Variants in INPP5A observed in about 807,000 individuals in gnomAD.
INPP5A encodes the protein 43 kDa inositol polyphosphate 5-phophatase.
Under a neutral mutation model 65.2 loss-of-function variants are expected in INPP5A, and 14 were observed. The ratio of observed to expected loss-of-function variants is 0.21; its 90% confidence interval spans 0.14 to 0.34. The LOEUF is 0.34. INPP5A is among the 10% of genes least tolerant of loss of function. INPP5A has a pLI of 1.00. For synonymous variants in INPP5A, 207 were observed against 208.3 expected (o/e 0.99, Z 0.05); for missense variants, 431 against 545.6 (o/e 0.79, Z 2.09).
intron 8 of INPP5A, among the ~76,000 whole-genome samples, chr10:132,715,383 T>A (rs1845722750): frequency 6.6e-6 from 1 of 152,270 alleles, no homozygotes; most frequent in African/African-American, 2.4e-5. Flanking sequence ...GAAGTTAATT[T>A]GATCAACATT....
Position 132,770,039 on chromosome 10 carries a change from C to T in INPP5A, c.977+4193C>T, listed in dbSNP as rs1470884326. 3.3e-5 allele frequency among the ~76,000 whole-genome samples: 5 copies of T among 152,288 alleles called. No homozygotes were observed. In the East Asian group the frequency reaches 9.7e-4, roughly 29 times the overall value. Reference sequence around the variant, plus strand: ...GGTGTGACAGCCCGACATTTCTAGGCGTTAGCATTTCTCACGAAACCCCAT... The same window carrying T: ...GGTGTGACAGCCCGACATTTCTAGGTGTTAGCATTTCTCACGAAACCCCAT... On this transcript the variant is annotated intron_variant, in intron 12 of 15. Coordinates refer to ENST00000368594, the MANE Select transcript of INPP5A (RefSeq NM_005539.5).
At position 132,549,854 on chromosome 10, in the gene INPP5A, G is replaced by A. The variant is rs918120090; in HGVS notation, c.75+11683G>A. On this transcript the variant is annotated intron_variant, in intron 1 of 15. Coordinates refer to ENST00000368594, the MANE Select transcript of INPP5A (RefSeq NM_005539.5). This position sits in a 1 kb window ranked among gnomAD's most constrained non-coding sequence, Gnocchi z 4.9. Reference sequence around the variant, plus strand: ...TCTGAGTCACTGTGCCTTAGAGTACGGAGTCAGCCTCAAATTATTAACCAG... The same window carrying A: ...TCTGAGTCACTGTGCCTTAGAGTACAGAGTCAGCCTCAAATTATTAACCAG... Among the ~76,000 whole-genome samples, 5 of 152,224 alleles carry A rather than the reference G, an allele frequency of 3.3e-5. No individual in the cohort carries two copies. Among genetic ancestry groups the A allele is most frequent in the African/African-American group, 7.2e-5 (3 of 41,458 alleles).
intron 5 of INPP5A, among the ~76,000 whole-genome samples, chr10:132,695,268 G>T (rs1331381647): frequency 6.6e-6 from 1 of 151,960 alleles, no homozygotes; most frequent in Non-Finnish European, 1.5e-5. Flanking sequence ...GATAGATGCA[G>T]AAAAAGCATT....
chr10:132,754,940 T>C (rs1268982762), intron 11 of INPP5A, among the ~76,000 whole-genome samples: 1 of 151,996 alleles, frequency 6.6e-6, no homozygotes, highest in African/African-American at 2.4e-5. Context: ...TGCGTGCATA[T>C]GCATGTGAAT....
At chr10:132,685,753 A>C (rs1403284822) in intron 4 of INPP5A, among the ~76,000 whole-genome samples, 1 of 152,200 alleles carries the variant, frequency 6.6e-6, no homozygotes, top group Non-Finnish European at 1.5e-5. Context: ...GTGATTGCAC[A>C]GTGCCTGCCG....
intron 3 of INPP5A, among the ~76,000 whole-genome samples, chr10:132,649,537 G>C (rs1294621571): frequency 6.6e-6 from 1 of 152,182 alleles, no homozygotes; most frequent in East Asian, 1.9e-4. Flanking sequence ...AGCCACATGG[G>C]GATCAGTGTG....
At position 132,676,128 on chromosome 10, in the gene INPP5A, CTG is replaced by C. The variant is rs1308144687; in HGVS notation, c.307-14263_307-14262del. On this transcript the variant is annotated intron_variant, in intron 4 of 15. Transcript: ENST00000368594. The surrounding 1 kb of genome is among the most constrained non-coding windows in gnomAD (Gnocchi z 4.0). The stretch of plus-strand genomic sequence containing the variant: ...ATAATTAAAACTAGTTATTTTAAGA[CTG>C]ATATTTTTCTTTGTTCATTATTGAA... Among the ~76,000 whole-genome samples, 3 of 152,120 alleles carry C rather than the reference CTG, an allele frequency of 2.0e-5. No homozygotes were observed. Among genetic ancestry groups the C allele is most frequent in the African/African-American group, 7.2e-5 (3 of 41,420 alleles).
Position 132,634,272 on chromosome 10 carries a change from GC to G in INPP5A, c.118-11592del, listed in dbSNP as rs547987145. Among the ~76,000 whole-genome samples the G allele has an allele frequency of 1.7e-4, 25 of 149,892 alleles. No individual in the cohort carries two copies. In the East Asian group the frequency reaches 4.9e-3, roughly 29 times the overall value. On this transcript the variant is annotated intron_variant, in intron 2 of 15. Coordinates refer to ENST00000368594, the MANE Select transcript of INPP5A (RefSeq NM_005539.5). ...GCGTGTCATCTCCCTTGGCAGGTGTGCCCCGGAGAGGCGTATCATCTCCCTT... is the reference window on the plus strand; with the variant it reads ...GCGTGTCATCTCCCTTGGCAGGTGTGCCCGGAGAGGCGTATCATCTCCCTT...
intron 4 of INPP5A, among the ~76,000 whole-genome samples, chr10:132,686,233 C>A (rs1253254030): frequency 6.6e-6 from 1 of 152,248 alleles, no homozygotes; most frequent in Non-Finnish European, 1.5e-5. Context: ...CGCTTCCCGG[C>A]TGTGCCGTGG....
At chr10:132,605,978 G>A (rs1424367921) in intron 1 of INPP5A, among the ~76,000 whole-genome samples, 2 of 152,188 alleles carry the variant, frequency 1.3e-5, no homozygotes, top group African/African-American at 2.4e-5. Flanking sequence ...AATGTTGGGG[G>A]AAGTCATATC....
Position 132,704,927 on chromosome 10 carries a change from G to C in INPP5A, c.475-3386G>C, listed in dbSNP as rs1845510129. On this transcript the variant is annotated intron_variant, in intron 6 of 15. Transcript: ENST00000368594. The surrounding 1 kb of genome is among the most constrained non-coding windows in gnomAD (Gnocchi z 4.5). ...GGAAGGGCGTCTGGACAGGCGGCAG[G>C]CAGCTCCTCTGGAGTGTGGAGGATG... Among the ~76,000 whole-genome samples, 1 of 148,050 alleles carries C rather than the reference G, an allele frequency of 6.8e-6. No individual in the cohort carries two copies. The highest frequency in any genetic ancestry group is 1.5e-5 in the Non-Finnish European group (1 of 66,614).
rs143617714 is a variant in INPP5A at position 132,672,458 on chromosome 10, G to A, written c.307-17934G>A. Among the ~76,000 whole-genome samples, 1,355 of 152,244 alleles carry A rather than the reference G, an allele frequency of 8.9e-3. 18 individuals are homozygous for A. Among genetic ancestry groups the A allele is most frequent in the African/African-American group, 0.031 (1,296 of 41,532 alleles). On this transcript the variant is annotated intron_variant, in intron 4 of 15. Transcript: ENST00000368594. ...GTCTTTCCCATGGTGTTCTCATGGT[G>A]GTGGGTGGGTCTCATGAGATCTGAT...
intron 1 of INPP5A, among the ~76,000 whole-genome samples, chr10:132,604,754 G>A (rs151123819): frequency 1.3e-5 from 2 of 152,310 alleles, no homozygotes; most frequent in South Asian, 2.1e-4. Flanking sequence ...TATTGGTCTG[G>A]GGAAGCTCAG....
chr10:132,653,466 C>G (rs1564950511), intron 4 of INPP5A, among the ~76,000 whole-genome samples: 1 of 152,166 alleles, frequency 6.6e-6, no homozygotes, highest in Non-Finnish European at 1.5e-5. Flanking sequence ...CGTGCCAGGC[C>G]TGTACGAGCT....
intron 2 of INPP5A, among the ~76,000 whole-genome samples, chr10:132,639,227 T>TA (rs2072397073): frequency 6.6e-6 from 1 of 152,140 alleles, no homozygotes; most frequent in Admixed American, 6.5e-5. Flanking sequence ...AACATTTGCT[T>TA]AGTTTTCTTT....
Position 132,717,454 on chromosome 10 carries a change from G to A in INPP5A, c.647+6998G>A, listed in dbSNP as rs1000889721. Among the ~76,000 whole-genome samples, 17 of 151,572 alleles carry A rather than the reference G, an allele frequency of 1.1e-4. 1 individual carries two copies. The highest frequency in any genetic ancestry group is 3.9e-4 in the African/African-American group (16 of 40,804). On this transcript the variant is annotated intron_variant, in intron 8 of 15. Transcript: ENST00000368594. Reference sequence around the variant, plus strand: ...CCCAGGCACTTTGGGGGCTCTGCTAGCCCTGAGGCTGACCCTGCTGCTTCA... The same window carrying A: ...CCCAGGCACTTTGGGGGCTCTGCTAACCCTGAGGCTGACCCTGCTGCTTCA...
intron 1 of INPP5A, among the ~76,000 whole-genome samples, chr10:132,596,804 C>T (rs551891391): frequency 2.1e-3 from 315 of 151,322 alleles, no homozygotes; most frequent in Non-Finnish European, 3.7e-3. Context: ...TACATGTGCG[C>T]GTTTGTGTGT....
chr10:132,553,690 T>C (rs1018519120), intron 1 of INPP5A, among the ~76,000 whole-genome samples: 1 of 135,560 alleles, frequency 7.4e-6, no homozygotes, highest in Non-Finnish European at 1.6e-5. Flanking sequence ...CTCAGAGCCT[T>C]GGTGTGGAAT....
At chr10:132,690,146 G>A (rs1413177684) in intron 4 of INPP5A, among the ~76,000 whole-genome samples, 1 of 152,240 alleles carries the variant, frequency 6.6e-6, no homozygotes, top group Non-Finnish European at 1.5e-5. Flanking sequence ...CTGGCCCGTG[G>A]GACTTGCGTC....
Sources: gnomAD v4.1 joint callset for allele counts (sites outside exome capture counted in the v4.1 genomes callset) on GRCh38, gnomAD v4.1.1 for gene constraint, Gnocchi (gnomAD v3.1) non-coding constraint, MANE v1.5 for transcripts, NCBI Gene and HGNC (gene_info 2026-07-23, HGNC 2026-07-21) for gene names.